The following TACR3 variants were observed in gnomAD, a reference collection of about 807,000 sequenced individuals.
TACR3 encodes the protein tachykinin receptor 3, also known as neuromedin-K receptor.
Under a neutral mutation model 35.0 loss-of-function variants are expected in TACR3, and 34 were observed. The observed-to-expected ratio is 0.97, with a 90% CI of 0.74 to 1.30. The LOEUF (loss-of-function observed/expected upper bound fraction) is 1.30. TACR3 is among the 50% of genes most tolerant of loss of function. The pLI, the probability that TACR3 is intolerant of heterozygous loss-of-function variation, is 0.00. For synonymous variants in TACR3, 233 were observed against 221.1 expected, an observed-to-expected ratio of 1.05 and a Z score of -0.48; for missense variants, 558 against 591.7, an observed-to-expected ratio of 0.94 and a Z score of 0.59.
At chr4:103,672,069 C>T (rs1038824914) in intron 1 of TACR3, among the ~76,000 whole-genome samples, 2 of 152,044 alleles carry the variant, frequency 1.3e-5, no homozygotes, top group African/African-American at 4.8e-5. Context: ...TTTAAATAAA[C>T]CACTTTCTTT....
In TACR3 at chr4:103,622,460, G is replaced by A. The variant is rs148183806; in HGVS notation, c.889-30777C>T. Among the ~76,000 whole-genome samples, 766 of 152,254 alleles carry A rather than the reference G, an allele frequency of 5.0e-3. 2 individuals are homozygous for A. The highest frequency in any genetic ancestry group is 0.017 in the African/African-American group (719 of 41,558). On this transcript the variant is annotated intron_variant, in intron 3 of 4. Transcript: ENST00000304883. ...TAGAAATCAGTGAAAGGCCAGGCAC[G>A]GTGGCTCACGCCTGCAATCCCAGCA...
rs549825939 is a variant in TACR3 at position 103,628,600 on chromosome 4, A to C, written c.888+27594T>G. Among the ~76,000 whole-genome samples the C allele has an allele frequency of 1.1e-4, 16 of 152,344 alleles. No homozygotes were observed. In the South Asian group the frequency reaches 3.1e-3, roughly 30 times the overall value. On this transcript the variant is annotated intron_variant, in intron 3 of 4. Transcript: ENST00000304883. The stretch of plus-strand genomic sequence containing the variant: ...TACACCCTCCCAACACTAAACCAGG[A>C]AGAAGTCAAATCTCTGAATAGACCA...
intron 1 of TACR3, among the ~76,000 whole-genome samples, chr4:103,681,740 A>G (rs1458357903): frequency 6.6e-6 from 1 of 152,114 alleles, no homozygotes; most frequent in Non-Finnish European, 1.5e-5. Context: ...GAAAAACTAA[A>G]TAACTCCACC....
intron 3 of TACR3, among the ~76,000 whole-genome samples, chr4:103,633,004 TGTTA>T (rs956348249): frequency 1.3e-4 from 20 of 151,924 alleles, no homozygotes; most frequent in Admixed American, 1.2e-3. Context: ...GATTAAAAAG[TGTTA>T]GTATGATGAT....
chr4:103,631,430 T>C lies in TACR3; in HGVS notation c.888+24764A>G, dbSNP rs1725064397. 2.6e-5 allele frequency among the ~76,000 whole-genome samples: 4 copies of C among 152,158 alleles called. No homozygotes were observed. In the South Asian group the frequency reaches 8.3e-4, roughly 31 times the overall value. On this transcript the variant is annotated intron_variant, in intron 3 of 4. Transcript: ENST00000304883. ...AATGTATATAATAAAAAGCTTCCTA[T>C]GTATTATTTTACTTATGGCAGAGCA...
rs1724763365 is a variant in TACR3, at chr4:103,620,942, G to A, written c.889-29259C>T. On this transcript the variant is annotated intron_variant, in intron 3 of 4. Coordinates refer to ENST00000304883, the MANE Select transcript of TACR3 (RefSeq NM_001059.3). ...ACAGATTCATTCATTAATCTTATAA[G>A]CATTTATACCATTCTTGAATTATGT... Among the ~76,000 whole-genome samples, 3 of 152,262 alleles carry A rather than the reference G, an allele frequency of 2.0e-5. No individual in the cohort carries two copies. The South Asian group carries it at 6.2e-4, about 32-fold the overall frequency.
At chr4:103,645,103 C>G (rs566400148) in intron 3 of TACR3, among the ~76,000 whole-genome samples, 1 of 151,816 alleles carries the variant, frequency 6.6e-6, no homozygotes, top group Non-Finnish European at 1.5e-5. Context: ...ACAAAGCCAG[C>G]ATTTTAGCAG....
chr4:103,690,933 A>C (rs1349990346), intron 1 of TACR3, among the ~76,000 whole-genome samples: 3 of 152,214 alleles, frequency 2.0e-5, no homozygotes, highest in African/African-American at 4.8e-5. Context: ...ATAGGTAGAT[A>C]CAATTTTATA....
At chr4:103,643,484 T>C (rs1258750708) in intron 3 of TACR3, among the ~76,000 whole-genome samples, 1 of 151,548 alleles carries the variant, frequency 6.6e-6, no homozygotes, top group Non-Finnish European at 1.5e-5. Flanking sequence ...TAGCTACCAA[T>C]TCTTTGCAGT....
intron 3 of TACR3, among the ~76,000 whole-genome samples, chr4:103,641,125 C>A (rs575805305): frequency 6.6e-6 from 1 of 151,836 alleles, no homozygotes; most frequent in African/African-American, 2.4e-5. Context: ...CATGTGTATA[C>A]CCAAGGTCCC....
chr4:103,632,211 G>C (rs1725082750), intron 3 of TACR3, among the ~76,000 whole-genome samples: 1 of 152,058 alleles, frequency 6.6e-6, no homozygotes. Flanking sequence ...GTGTGAATTT[G>C]GCTTACCAGA....
intron 3 of TACR3, among the ~76,000 whole-genome samples, chr4:103,606,347 T>TC (rs1211629651): frequency 2.0e-5 from 3 of 152,192 alleles, no homozygotes; most frequent in African/African-American, 7.2e-5. Flanking sequence ...AGTAGTTTTT[T>TC]CCAATTCTGT....
chr4:103,719,715 C>CTT lies in TACR3; in HGVS notation c.-41_-40insAA. 6.2e-7 allele frequency: 1 copy of CTT among 1,601,980 alleles called. No individual in the cohort carries two copies. Among genetic ancestry groups the CTT allele is most frequent in the South Asian group, 1.1e-5 (1 of 90,924 alleles). The stretch of plus-strand genomic sequence containing the variant: ...AGTCCCGGACCCTCCCACTCACCCA[C>CTT]GGGCAGCCCAAGACGAGACTCCTCT... On this transcript the variant is annotated 5_prime_UTR_variant, in exon 1 of 5. Coordinates refer to ENST00000304883, the MANE Select transcript of TACR3 (RefSeq NM_001059.3).
chr4:103,637,526 C>A (rs1355671978), intron 3 of TACR3, among the ~76,000 whole-genome samples: 1 of 152,070 alleles, frequency 6.6e-6, no homozygotes, highest in Non-Finnish European at 1.5e-5. Context: ...TGAAAACTGG[C>A]ACAAGACAAG....
intron 1 of TACR3, among the ~76,000 whole-genome samples, chr4:103,667,987 C>A (rs1464467561): frequency 6.6e-6 from 1 of 152,072 alleles, no homozygotes; most frequent in African/African-American, 2.4e-5. Flanking sequence ...CCCCAACACT[C>A]CCAGCTATTT....
chr4:103,595,510 T>A lies in TACR3; in HGVS notation c.889-3827A>T, dbSNP rs1356985048. 2.0e-5 allele frequency among the ~76,000 whole-genome samples: 3 copies of A among 152,290 alleles called. No homozygotes were observed. The East Asian group carries it at 5.8e-4, about 29-fold the overall frequency. On this transcript the variant is annotated intron_variant, in intron 3 of 4. Coordinates refer to ENST00000304883, the MANE Select transcript of TACR3 (RefSeq NM_001059.3). ...AGTGAGAATGAACTTTGGATACCAT[T>A]CCTTCATGTATCAAAGGGGAAAGAT...
chr4:103,716,886 T>G (rs1723103914), intron 1 of TACR3, among the ~76,000 whole-genome samples: 1 of 152,198 alleles, frequency 6.6e-6, no homozygotes, highest in African/African-American at 2.4e-5. Flanking sequence ...TATATACTGT[T>G]TACTATATTC....
intron 3 of TACR3, among the ~76,000 whole-genome samples, chr4:103,615,398 T>TGTGTGTGAGA (rs367881970): frequency 8.5e-6 from 1 of 117,138 alleles, no homozygotes; most frequent in African/African-American, 2.9e-5. Context: ...TGTGTGTGTG[T>TGTGTGTGAGA]GAGAGAGAGA....
At chr4:103,658,548 G>A (rs938822425) in intron 1 of TACR3, 145 bp from the exon 2 acceptor site, 3 of 715,938 alleles carry the variant, frequency 4.2e-6, no homozygotes, top group Non-Finnish European at 7.2e-6. Flanking sequence ...CTTGAGTAGA[G>A]GCAGCGTAGA....
Sources: gnomAD v4.1 joint callset for allele counts (sites outside exome capture counted in the v4.1 genomes callset) on GRCh38, gnomAD v4.1.1 for gene constraint, MANE v1.5 for transcripts, NCBI Gene and HGNC (gene_info 2026-07-23, HGNC 2026-07-21) for gene names.